The following SLC24A2 variants were observed in gnomAD, a reference collection of about 807,000 sequenced individuals.
SLC24A2 encodes sodium/potassium/calcium exchanger 2.
Under a neutral mutation model 62.0 loss-of-function variants are expected in SLC24A2, and 36 were observed. That is an observed-to-expected ratio of 0.58 (90% CI 0.44 to 0.77). The LOEUF is 0.77. Ranked by LOEUF, SLC24A2 falls within the 30% of genes least tolerant of loss-of-function variation. The probability of loss-of-function intolerance (pLI) is 0.00; values close to 1 mark genes in which losing one functional copy is unlikely to be tolerated. For synonymous variants in SLC24A2, 358 were observed against 294.0 expected (o/e 1.22, Z -2.23); for missense variants, 846 against 817.9 (o/e 1.03, Z -0.42).
At chr9:20,012,475 A>T in the SLC24A2 span, among the ~76,000 whole-genome samples, 2 of 152,232 alleles carry the variant, frequency 1.3e-5, no homozygotes, top group African/African-American at 2.4e-5. Context: ...GTGGGGACAC[A>T]GTCAAAACAT....
At chr9:20,063,281 G>A in the SLC24A2 span, among the ~76,000 whole-genome samples, 1 of 151,196 alleles carries the variant, frequency 6.6e-6, no homozygotes. Flanking sequence ...AGAAAATGTG[G>A]CACATATACA....
At chr9:19,968,747 C>T in the SLC24A2 span, among the ~76,000 whole-genome samples, 1 of 152,096 alleles carries the variant, frequency 6.6e-6, no homozygotes, top group East Asian at 1.9e-4. Flanking sequence ...TCTGCTTTTT[C>T]TCTATATATT....
the SLC24A2 span, among the ~76,000 whole-genome samples, chr9:19,925,173 C>T: frequency 3.9e-5 from 6 of 152,304 alleles, no homozygotes; most frequent in South Asian, 2.1e-4. Context: ...AAACATCAGA[C>T]GTTCTCTATA....
chr9:19,862,580 C>G, the SLC24A2 span, among the ~76,000 whole-genome samples: 2 of 151,954 alleles, frequency 1.3e-5, no homozygotes, highest in Admixed American at 1.3e-4. Context: ...ATAAACTACT[C>G]TTAAGTAGAA....
the SLC24A2 span, among the ~76,000 whole-genome samples, chr9:20,226,308 G>A: frequency 1.9e-3 from 294 of 152,244 alleles, 1 homozygote; most frequent in African/African-American, 6.9e-3. Context: ...GGCTTAAGGT[G>A]AAGCATATGG....
chr9:20,147,672 T>A, the SLC24A2 span, among the ~76,000 whole-genome samples: 1 of 152,038 alleles, frequency 6.6e-6, no homozygotes, highest in Non-Finnish European at 1.5e-5. Context: ...GAAAAGAAGA[T>A]CACATTGAGG....
At chr9:20,113,476 T>C in the SLC24A2 span, among the ~76,000 whole-genome samples, 1 of 152,220 alleles carries the variant, frequency 6.6e-6, no homozygotes, top group African/African-American at 2.4e-5. Context: ...TTATGTTCAT[T>C]AAAAGTAGAT....
chr9:20,248,834 C>A, the SLC24A2 span, among the ~76,000 whole-genome samples: 1 of 152,260 alleles, frequency 6.6e-6, no homozygotes, highest in African/African-American at 2.4e-5. Context: ...GGGGCACCCA[C>A]ATGGCAGACC....
the SLC24A2 span, among the ~76,000 whole-genome samples, chr9:20,159,581 A>G: frequency 2.0e-5 from 3 of 151,690 alleles, no homozygotes; most frequent in Non-Finnish European, 4.4e-5. Context: ...CAAAGCAGAA[A>G]GAATGTTATT....
chr9:19,707,293 C>G (rs932036432), intron 2 of SLC24A2, among the ~76,000 whole-genome samples: 6 of 152,160 alleles, frequency 3.9e-5, no homozygotes, highest in Admixed American at 2.6e-4. Context: ...AAGTCCAGGA[C>G]CAGATGGATT....
At chr9:20,132,502 A>G in the SLC24A2 span, among the ~76,000 whole-genome samples, 1 of 152,244 alleles carries the variant, frequency 6.6e-6, no homozygotes, top group East Asian at 1.9e-4. Flanking sequence ...AGACTAGACT[A>G]CATGGGTCAC....
At chr9:19,731,898 C>T (rs1182654) in intron 2 of SLC24A2, among the ~76,000 whole-genome samples, 82,869 of 151,956 alleles carry the variant, frequency 0.55, 22,853 homozygotes, top group East Asian at 0.83. Flanking sequence ...GTAACCTATA[C>T]ATTGTGAGCC....
the SLC24A2 span, among the ~76,000 whole-genome samples, chr9:20,105,265 C>T: frequency 6.6e-6 from 1 of 152,130 alleles, no homozygotes; most frequent in Non-Finnish European, 1.5e-5. Flanking sequence ...TTTAACACCC[C>T]ATTGTCAACA....
At chr9:19,606,704 T>C (rs918652291) in intron 4 of SLC24A2, among the ~76,000 whole-genome samples, 2 of 152,178 alleles carry the variant, frequency 1.3e-5, no homozygotes, top group Non-Finnish European at 2.9e-5. Context: ...GTAAACTATA[T>C]AAGCAACAAT....
chr9:19,644,513 C>G (rs963989479), intron 2 of SLC24A2, among the ~76,000 whole-genome samples: 1 of 151,978 alleles, frequency 6.6e-6, no homozygotes, highest in Non-Finnish European at 1.5e-5. Flanking sequence ...AATCACTTGC[C>G]CAGTGCGTAT....
chr9:19,731,254 T>C (rs1268875873), intron 2 of SLC24A2, among the ~76,000 whole-genome samples: 2 of 152,256 alleles, frequency 1.3e-5, no homozygotes, highest in East Asian at 1.9e-4. Flanking sequence ...GTATAACTTA[T>C]CTTCTCTGAG....
chr9:19,801,056 C>G, the SLC24A2 span, among the ~76,000 whole-genome samples: 1 of 152,234 alleles, frequency 6.6e-6, no homozygotes, highest in African/African-American at 2.4e-5. Context: ...GGGGTCCTTG[C>G]TCCCAGAGCT....
At chr9:20,243,132 T>C in the SLC24A2 span, among the ~76,000 whole-genome samples, 1 of 152,166 alleles carries the variant, frequency 6.6e-6, no homozygotes, top group Non-Finnish European at 1.5e-5. Flanking sequence ...ACCCCCCATA[T>C]TGTGGGTGTT....
chr9:19,625,691 C>CTT (rs5896851), intron 2 of SLC24A2, among the ~76,000 whole-genome samples: 71 of 143,738 alleles, frequency 4.9e-4, no homozygotes, highest in South Asian at 1.8e-3. Flanking sequence ...TTTTTCTTTT[C>CTT]TTTTTTTTTT....
Sources: allele counts gnomAD v4.1 joint callset (sites outside exome capture counted in the v4.1 genomes callset), GRCh38; gene constraint gnomAD v4.1.1; transcripts MANE v1.5; gene names NCBI Gene and HGNC (gene_info 2026-07-23, HGNC 2026-07-21).